Variants in KLHL1 observed in about 807,000 individuals in gnomAD.
KLHL1 encodes the protein kelch like family member 1.
Under a neutral mutation model 77.7 loss-of-function variants are expected in KLHL1, and 47 were observed. The ratio of observed to expected loss-of-function variants is 0.60; its 90% confidence interval spans 0.48 to 0.77. KLHL1 has a LOEUF of 0.77. Among genes scored for constraint, KLHL1 ranks in the 30% least tolerant of loss-of-function variants. KLHL1 has a pLI of 0.00. For missense variants in KLHL1, 925 were observed against 910.8 expected (o/e 1.02, Z -0.20); for synonymous variants, 360 against 325.2 (o/e 1.11, Z -1.15).
At chr13:70,101,672 A>T (rs949612548) in intron 1 of KLHL1, among the ~76,000 whole-genome samples, 3 of 151,728 alleles carry the variant, frequency 2.0e-5, no homozygotes, top group Non-Finnish European at 1.5e-5. Flanking sequence ...CAGGCGATCC[A>T]CCCACCTTGG....
At chr13:69,907,710 G>A (rs1399136966) in intron 4 of KLHL1, among the ~76,000 whole-genome samples, 2 of 151,900 alleles carry the variant, frequency 1.3e-5, no homozygotes, top group Non-Finnish European at 2.9e-5. Flanking sequence ...GGTTTTGGTG[G>A]ACTTGCAAGG....
intron 6 of KLHL1, among the ~76,000 whole-genome samples, chr13:69,826,262 C>G (rs1878543988): frequency 6.6e-6 from 1 of 152,082 alleles, no homozygotes; most frequent in Non-Finnish European, 1.5e-5. Flanking sequence ...TATAATAGAT[C>G]TCTATGACAT....
At position 69,728,379 on chromosome 13, in the gene KLHL1, C is replaced by T. The variant is rs1566187848; in HGVS notation, c.1803-8798G>A. 5.3e-5 allele frequency among the ~76,000 whole-genome samples: 8 copies of T among 151,302 alleles called. No homozygotes were observed. The South Asian group carries it at 1.7e-3, about 32-fold the overall frequency. ...TAAGCCATATGTGCTTCAGACTGAACAGAAATTACAACTGCCTTGTAAAAA... is the reference window on the plus strand; with the variant it reads ...TAAGCCATATGTGCTTCAGACTGAATAGAAATTACAACTGCCTTGTAAAAA... On this transcript the variant is annotated intron_variant, in intron 8 of 10. Coordinates refer to ENST00000377844, the MANE Select transcript of KLHL1 (RefSeq NM_020866.3).
At chr13:69,859,167 C>T (rs1056375342) in intron 5 of KLHL1, among the ~76,000 whole-genome samples, 2 of 151,938 alleles carry the variant, frequency 1.3e-5, no homozygotes, top group African/African-American at 2.4e-5. Flanking sequence ...ACTGCCTCAA[C>T]TATTGTAATA....
At chr13:69,791,514 C>T (rs1876873404) in intron 7 of KLHL1, among the ~76,000 whole-genome samples, 1 of 152,018 alleles carries the variant, frequency 6.6e-6, no homozygotes, top group Non-Finnish European at 1.5e-5. Flanking sequence ...AGTGTGATCA[C>T]ACTACATGAT....
chr13:70,033,909 C>A (rs1007669839), intron 1 of KLHL1, among the ~76,000 whole-genome samples: 17 of 152,188 alleles, frequency 1.1e-4, no homozygotes, highest in African/African-American at 3.9e-4. Flanking sequence ...CTGCACCTGG[C>A]CTCTAATAAA....
chr13:69,890,864 T>C (rs1157027975), intron 4 of KLHL1, among the ~76,000 whole-genome samples: 1 of 152,050 alleles, frequency 6.6e-6, no homozygotes, highest in Non-Finnish European at 1.5e-5. Flanking sequence ...ATTTTTTGAC[T>C]CTATATTGCT....
intron 1 of KLHL1, among the ~76,000 whole-genome samples, chr13:70,017,425 C>G (rs2472275): frequency 0.54 from 81,967 of 151,628 alleles, 22,365 homozygotes; most frequent in Non-Finnish European, 0.58. Flanking sequence ...CAGCTGCAAC[C>G]TCAAAAAGAG....
intron 4 of KLHL1, among the ~76,000 whole-genome samples, chr13:69,912,932 G>GTTGTGGGCAGCA (rs936146911): frequency 2.6e-5 from 4 of 152,100 alleles, no homozygotes; most frequent in Non-Finnish European, 5.9e-5. Flanking sequence ...TCAGGTGCTG[G>GTTGTGGGCAGCA]TTGTGGGCAG....
Position 69,942,920 on chromosome 13 carries a change from A to G in KLHL1, c.818-2684T>C, listed in dbSNP as rs563335460. Reference sequence around the variant, plus strand: ...AATTCAAGAGCTCATCAAGGATTATATGTTACATTTACTTGTGGTGTTCCT... The same window carrying G: ...AATTCAAGAGCTCATCAAGGATTATGTGTTACATTTACTTGTGGTGTTCCT... On this transcript the variant is annotated intron_variant, in intron 3 of 10. Transcript: ENST00000377844. 1.4e-4 allele frequency among the ~76,000 whole-genome samples: 22 copies of G among 152,222 alleles called. No homozygotes were observed. In the South Asian group the frequency reaches 4.4e-3, roughly 30 times the overall value.
chr13:69,865,610 A>G (rs191692993), intron 5 of KLHL1, among the ~76,000 whole-genome samples: 82 of 152,268 alleles, frequency 5.4e-4, no homozygotes, highest in Non-Finnish European at 7.6e-4. Flanking sequence ...AGTCCGTTGC[A>G]TAAAAATGAT....
chr13:69,929,321 G>A (rs575019008), intron 4 of KLHL1, among the ~76,000 whole-genome samples: 2 of 152,046 alleles, frequency 1.3e-5, no homozygotes, highest in South Asian at 4.1e-4. Context: ...TATATTCAAA[G>A]TAGGTATTGA....
intron 5 of KLHL1, among the ~76,000 whole-genome samples, chr13:69,852,809 A>G (rs1879744563): frequency 6.6e-6 from 1 of 152,012 alleles, no homozygotes; most frequent in Non-Finnish European, 1.5e-5. Flanking sequence ...TAGAGTTTCT[A>G]AAGTTTAGGT....
chr13:69,890,302 T>C (rs1881379683), intron 4 of KLHL1, among the ~76,000 whole-genome samples: 1 of 152,054 alleles, frequency 6.6e-6, no homozygotes, highest in Non-Finnish European at 1.5e-5. Context: ...ATTGGTGTCA[T>C]CTGGTCCAAT....
chr13:69,896,812 G>C (rs1177999609), intron 4 of KLHL1, among the ~76,000 whole-genome samples: 3 of 151,742 alleles, frequency 2.0e-5, no homozygotes, highest in Non-Finnish European at 4.4e-5. Context: ...GGGACTACAG[G>C]CGCACACCAC....
At chr13:69,881,424 T>C (rs561380253) in intron 5 of KLHL1, among the ~76,000 whole-genome samples, 9 of 152,266 alleles carry the variant, frequency 5.9e-5, no homozygotes, top group African/African-American at 2.2e-4. Context: ...AAATGAGGAA[T>C]CTGGTGAATG....
At position 69,855,359 on chromosome 13, in the gene KLHL1, GAT is replaced by G. The variant is rs1470608760; in HGVS notation, c.1228-16199_1228-16198del. The stretch of plus-strand genomic sequence containing the variant: ...AGATAGATAGATAGACAGACAGATA[GAT>G]ACATAGAGAGATAGATCTATAGATA... On this transcript the variant is annotated intron_variant, in intron 5 of 10. Coordinates refer to ENST00000377844, the MANE Select transcript of KLHL1 (RefSeq NM_020866.3). 3.1e-3 allele frequency among the ~76,000 whole-genome samples: 461 copies of G among 146,434 alleles called. 9 individuals are homozygous for G. The highest frequency in any genetic ancestry group is 0.011 in the African/African-American group (440 of 40,226).
intron 3 of KLHL1, among the ~76,000 whole-genome samples, chr13:69,940,888 C>T (rs1289255728): frequency 1.4e-5 from 2 of 145,394 alleles, no homozygotes; most frequent in African/African-American, 5.1e-5. Flanking sequence ...ATCTGTTTGT[C>T]AAATGTTTAT....
chr13:69,908,627 T>C (rs919417709), intron 4 of KLHL1, among the ~76,000 whole-genome samples: 3 of 151,428 alleles, frequency 2.0e-5, no homozygotes, highest in Non-Finnish European at 4.4e-5. Flanking sequence ...AATTATTGCA[T>C]ATGTTTTCAA....
Sources: allele counts gnomAD v4.1 joint callset (sites outside exome capture counted in the v4.1 genomes callset), GRCh38; gene constraint gnomAD v4.1.1; transcripts MANE v1.5; gene names NCBI Gene and HGNC (gene_info 2026-07-23, HGNC 2026-07-21).